The following PLEKHA8 variants were observed in gnomAD, a reference collection of about 807,000 sequenced individuals.
PLEKHA8 encodes pleckstrin homology domain-containing family A member 8.
PLEKHA8 carries 36 observed loss-of-function variants against 68.2 expected under a neutral mutation model. The ratio of observed to expected loss-of-function variants is 0.53; its 90% confidence interval spans 0.40 to 0.70. The LOEUF is 0.70. Ranked by LOEUF, PLEKHA8 falls within the 30% of genes least tolerant of loss-of-function variation. The pLI, the probability that PLEKHA8 is intolerant of heterozygous loss-of-function variation, is 0.00. For synonymous variants in PLEKHA8, 211 were observed against 216.1 expected, an observed-to-expected ratio of 0.98 and a Z score of 0.20; for missense variants, 505 against 615.4, an observed-to-expected ratio of 0.82 and a Z score of 1.90.
At position 30,084,387 on chromosome 7, in the gene PLEKHA8, G is replaced by A; in HGVS notation, c.*5600G>A. 1.0e-6 allele frequency: 1 copy of A among 985,394 alleles called. No individual in the cohort carries two copies. The highest frequency in any genetic ancestry group is 1.2e-6 in the Non-Finnish European group (1 of 829,914). The allele number at this position is 985,394 out of a possible 1,614,324, so 61.0% of individuals were successfully genotyped here. ...GCATCATAATCAGAGTAGAAGGCAA[G>A]TTAAACTATAAAAGTGTCAAGTGGC... On this transcript the variant is annotated 3_prime_UTR_variant, in exon 14 of 14. Coordinates refer to ENST00000449726, the MANE Select transcript of PLEKHA8 (RefSeq NM_001197026.2).
chr7:30,028,495 C>T lies in PLEKHA8; in HGVS notation c.-268C>T, dbSNP rs912843508. The T allele has an allele frequency of 2.8e-6, 1 of 353,954 alleles. No individual in the cohort carries two copies. The highest frequency in any genetic ancestry group is 5.1e-6 in the Non-Finnish European group (1 of 197,456). The allele number at this position is 353,954 out of a possible 1,614,324, so 21.9% of individuals were successfully genotyped here. On this transcript the variant is annotated 5_prime_UTR_variant, in exon 1 of 14. Coordinates refer to ENST00000449726, the MANE Select transcript of PLEKHA8 (RefSeq NM_001197026.2). Reference sequence around the variant, plus strand: ...GCTGCCCCTCCGACCCACGTAGGGCCCGGACCCGGGCCTCCTTGTGAACAG... The same window carrying T: ...GCTGCCCCTCCGACCCACGTAGGGCTCGGACCCGGGCCTCCTTGTGAACAG...
At chr7:30,098,727 T>C (rs1052918354) in intron 13 of PLEKHA8, among the ~76,000 whole-genome samples, 10 of 152,248 alleles carry the variant, frequency 6.6e-5, no homozygotes, top group Non-Finnish European at 1.5e-4. Flanking sequence ...AGGTGCCATC[T>C]GTCACCCCTT....
At chr7:30,036,524 A>G (rs1029917307) in intron 1 of PLEKHA8, among the ~76,000 whole-genome samples, 1 of 152,160 alleles carries the variant, frequency 6.6e-6, no homozygotes, top group Non-Finnish European at 1.5e-5. Flanking sequence ...ACATACCTGG[A>G]TGTTATGAGT....
intron 13 of PLEKHA8, among the ~76,000 whole-genome samples, chr7:30,104,135 T>TA (rs1795973998): frequency 6.6e-6 from 1 of 152,094 alleles, no homozygotes; most frequent in South Asian, 2.1e-4. Context: ...TAATGCAAAA[T>TA]AAAACTAAAC....
At chr7:30,048,198 A>G (rs970858443) in intron 4 of PLEKHA8, among the ~76,000 whole-genome samples, 2 of 152,154 alleles carry the variant, frequency 1.3e-5, no homozygotes, top group East Asian at 1.9e-4. Context: ...AGTACATTTC[A>G]TCATATGCGT....
intron 1 of PLEKHA8, among the ~76,000 whole-genome samples, chr7:30,040,436 C>T (rs1161860200): frequency 6.6e-6 from 1 of 152,202 alleles, no homozygotes; most frequent in Admixed American, 6.5e-5. Flanking sequence ...GAAACAGTCC[C>T]CATTTCTTTA....
intron 13 of PLEKHA8, among the ~76,000 whole-genome samples, chr7:30,101,436 G>A (rs1795850409): frequency 6.6e-6 from 1 of 151,970 alleles, no homozygotes; most frequent in Non-Finnish European, 1.5e-5. Flanking sequence ...CCGTGGTCGG[G>A]TTCTGGTGAG....
intron 13 of PLEKHA8, among the ~76,000 whole-genome samples, chr7:30,113,637 C>T (rs1319996078): frequency 6.6e-6 from 1 of 152,138 alleles, no homozygotes; most frequent in Non-Finnish European, 1.5e-5. Flanking sequence ...GTTATTATCT[C>T]TTTGAATACT....
intron 13 of PLEKHA8, among the ~76,000 whole-genome samples, chr7:30,127,854 G>A (rs976557947): frequency 1.3e-5 from 2 of 152,170 alleles, no homozygotes; most frequent in Non-Finnish European, 2.9e-5. Flanking sequence ...CGATAAAAGT[G>A]TAGTACATTG....
At chr7:30,059,931 C>G (rs1793304144) in intron 9 of PLEKHA8, among the ~76,000 whole-genome samples, 1 of 152,210 alleles carries the variant, frequency 6.6e-6, no homozygotes, top group Admixed American at 6.5e-5. Flanking sequence ...CGCCTGTAAT[C>G]CCAGCACTTT....
chr7:30,112,105 G>T (rs536435928), intron 13 of PLEKHA8, among the ~76,000 whole-genome samples: 1 of 152,108 alleles, frequency 6.6e-6, no homozygotes, highest in Non-Finnish European at 1.5e-5. Context: ...GACTTAAAAA[G>T]TATTTAGGGA....
At chr7:30,102,941 A>G (rs1583471230) in intron 13 of PLEKHA8, among the ~76,000 whole-genome samples, 1 of 152,236 alleles carries the variant, frequency 6.6e-6, no homozygotes, top group Non-Finnish European at 1.5e-5. Context: ...GTGGCGGCTC[A>G]TGCCTGTAGT....
At chr7:30,076,287 T>G (rs761334610) in intron 13 of PLEKHA8, among the ~76,000 whole-genome samples, 4 of 152,212 alleles carry the variant, frequency 2.6e-5, no homozygotes, top group Admixed American at 6.5e-5. Context: ...TATGGAGATA[T>G]CATAATTTAT....
chr7:30,051,771 C>G (rs1018376859), intron 6 of PLEKHA8, among the ~76,000 whole-genome samples: 1 of 152,130 alleles, frequency 6.6e-6, no homozygotes, highest in African/African-American at 2.4e-5. Context: ...GTCAGGCGTT[C>G]AAGACCAGCC....
At chr7:30,051,459 CCTT>C (rs1304646274) in intron 6 of PLEKHA8, among the ~76,000 whole-genome samples, 1 of 151,674 alleles carries the variant, frequency 6.6e-6, no homozygotes, top group African/African-American at 2.4e-5. Context: ...TTGGACCCTT[CCTT>C]CTTATTTTTA....
At chr7:30,072,555 A>C (rs1794309000) in intron 12 of PLEKHA8, among the ~76,000 whole-genome samples, 1 of 152,270 alleles carries the variant, frequency 6.6e-6, no homozygotes, top group Non-Finnish European at 1.5e-5. Flanking sequence ...GTAAAATGCA[A>C]ATAAATACCT....
Position 30,056,964 on chromosome 7 carries a change from T to C in PLEKHA8, c.1039+1622T>C, listed in dbSNP as rs1271746350. On this transcript the variant is annotated intron_variant, in intron 9 of 13. Transcript: ENST00000449726. ...ATATTTATATATATAAAAAAGTTTA[T>C]TTAGGTCAAATTCACTTTTACTTGT... is the stretch of plus-strand genomic sequence containing the variant. Among the ~76,000 whole-genome samples, 3 of 148,548 alleles carry C rather than the reference T, an allele frequency of 2.0e-5. No homozygotes were observed. In the East Asian group the frequency reaches 5.8e-4, roughly 29 times the overall value.
intron 1 of PLEKHA8, among the ~76,000 whole-genome samples, chr7:30,037,772 C>T (rs1791214643): frequency 6.6e-6 from 1 of 150,966 alleles, no homozygotes; most frequent in African/African-American, 2.4e-5. Flanking sequence ...TTCTACACAA[C>T]AGTAGTTCTT....
chr7:30,059,167 A>G (rs1203285669), intron 9 of PLEKHA8, among the ~76,000 whole-genome samples: 2 of 152,188 alleles, frequency 1.3e-5, no homozygotes, highest in Non-Finnish European at 2.9e-5. Context: ...TGCTGTATCT[A>G]TTTACTTAAG....
Sources: allele counts gnomAD v4.1 joint callset (sites outside exome capture counted in the v4.1 genomes callset), GRCh38; gene constraint gnomAD v4.1.1; transcripts MANE v1.5; gene names NCBI Gene and HGNC (gene_info 2026-07-23, HGNC 2026-07-21).